The following ATP8A2 variants were observed in gnomAD, a reference collection of about 807,000 sequenced individuals.
ATP8A2 encodes the protein ATPase phospholipid transporting 8A2, also known as phospholipid-transporting ATPase IB.
Under a neutral mutation model 165.6 loss-of-function variants are expected in ATP8A2, and 100 were observed. The observed-to-expected ratio is 0.60, with a 90% CI of 0.51 to 0.71. The LOEUF (loss-of-function observed/expected upper bound fraction) is 0.71. ATP8A2 is among the 30% of genes least tolerant of loss of function. The probability of loss-of-function intolerance (pLI) is 0.00; values close to 1 mark genes in which losing one functional copy is unlikely to be tolerated. For synonymous variants in ATP8A2, 543 were observed against 548.8 expected, an observed-to-expected ratio of 0.99 and a Z score of 0.15; for missense variants, 1,227 against 1,479.5, an observed-to-expected ratio of 0.83 and a Z score of 2.80.
In ATP8A2 at chr13:25,578,867, C is replaced by T. The variant is rs2039691562; in HGVS notation, c.1835C>T (p.Thr612Ile). 19 of 1,611,328 alleles carry T rather than the reference C, an allele frequency of 1.2e-5. No homozygotes were observed. The highest frequency in any genetic ancestry group is 1.5e-5 in the Non-Finnish European group (18 of 1,177,594). Residue 612 changes from threonine to isoleucine, a missense_variant, in exon 21 of 37, where the codon ACA becomes ATA. By Grantham distance (89) the Thr-to-Ile change is moderately conservative (BLOSUM62 -1). Transcript: ENST00000381655. ...AAAGACTCAAAATATATGGAGGAAA[C>T]ATTATGCCATCTGGAATACTTTGCC... ...LSKDSKYMEE[T>I]LCHLEYFATE...
rs541516207 is a variant in ATP8A2 at position 26,017,070 on chromosome 13, C to T, written c.3470-2818C>T. ...CACCAGAATCTAAGATGAAAACAAGCGAGTGGAGAAAGACATCTTCAGGGT... is the reference window on the plus strand; with the variant it reads ...CACCAGAATCTAAGATGAAAACAAGTGAGTGGAGAAAGACATCTTCAGGGT... On this transcript the variant is annotated intron_variant, in intron 36 of 36. Coordinates refer to ENST00000381655, the MANE Select transcript of ATP8A2 (RefSeq NM_016529.6). Among the ~76,000 whole-genome samples, 4 of 152,294 alleles carry T rather than the reference C, an allele frequency of 2.6e-5. No individual in the cohort carries two copies. The East Asian group carries it at 5.8e-4, about 22-fold the overall frequency.
intron 33 of ATP8A2, among the ~76,000 whole-genome samples, chr13:25,958,182 A>G (rs954826693): frequency 9.9e-5 from 15 of 152,082 alleles, no homozygotes; most frequent in South Asian, 2.1e-4. Flanking sequence ...ACCTAATGCT[A>G]GGTATTTCTA....
At chr13:25,466,068 T>C (rs1263152694) in intron 1 of ATP8A2, among the ~76,000 whole-genome samples, 3 of 152,096 alleles carry the variant, frequency 2.0e-5, no homozygotes, top group African/African-American at 7.2e-5. Flanking sequence ...CTTCTGCTCT[T>C]CCCCCTTTGC....
intron 1 of ATP8A2, among the ~76,000 whole-genome samples, chr13:25,391,704 C>A (rs1036201596): frequency 6.6e-6 from 1 of 152,160 alleles, no homozygotes; most frequent in African/African-American, 2.4e-5. Context: ...TTAGTTTTGG[C>A]CTTTGGAAAA....
intron 11 of ATP8A2, 40 bp from the exon 12 acceptor site, chr13:25,553,753 G>T (rs1325958698): frequency 1.9e-6 from 3 of 1,590,454 alleles, no homozygotes; most frequent in Non-Finnish European, 2.6e-6. Flanking sequence ...ATAGACTTTG[G>T]TTGTGAACAC....
chr13:25,905,052 G>T (rs1953891663), intron 33 of ATP8A2, among the ~76,000 whole-genome samples: 1 of 151,746 alleles, frequency 6.6e-6, no homozygotes, highest in Non-Finnish European at 1.5e-5. Context: ...GGAGAAGAGT[G>T]TGTGCCCAGC....
intron 33 of ATP8A2, among the ~76,000 whole-genome samples, chr13:25,945,130 A>G (rs1035839944): frequency 1.3e-5 from 2 of 152,196 alleles, no homozygotes; most frequent in Non-Finnish European, 2.9e-5. Context: ...GTTTTAGGCA[A>G]AACATATACA....
chr13:25,416,933 T>C (rs1367216471), intron 1 of ATP8A2, among the ~76,000 whole-genome samples: 1 of 152,118 alleles, frequency 6.6e-6, no homozygotes, highest in Non-Finnish European at 1.5e-5. Flanking sequence ...AAGCCATATT[T>C]TGTGCTTATG....
chr13:25,970,702 G>A, intron 35 of ATP8A2, among the ~76,000 whole-genome samples: 1 of 152,192 alleles, frequency 6.6e-6, no homozygotes, highest in Non-Finnish European at 1.5e-5. Context: ...CCCATCTCAG[G>A]TGTGTAAAAG....
chr13:25,699,152 T>C, intron 24 of ATP8A2, 21 bp from the exon 25 acceptor site: 1 of 1,479,446 alleles, frequency 6.8e-7, no homozygotes, highest in Non-Finnish European at 9.0e-7. Context: ...AATGTGATTT[T>C]CCCCTATACT....
chr13:25,571,281 C>T (rs568657803), intron 17 of ATP8A2, among the ~76,000 whole-genome samples: 2 of 152,294 alleles, frequency 1.3e-5, no homozygotes, highest in African/African-American at 4.8e-5. Flanking sequence ...TAAAATACTG[C>T]CTTGCTCAGA....
intron 24 of ATP8A2, among the ~76,000 whole-genome samples, chr13:25,662,320 C>T (rs924421273): frequency 7.2e-5 from 11 of 152,042 alleles, no homozygotes; most frequent in East Asian, 1.9e-4. Context: ...ACATTCTTGG[C>T]GATGTTTTAT....
rs142817448 is a variant in ATP8A2, at chr13:25,461,852, A to AAGAAGGAGGAGG, written c.77-7123_77-7122insAAGGAGGAGGAG. Reference sequence around the variant, plus strand: ...GAGGAAGAAGAAGAAGGAGAAGAAGAAGGAGGAGGAGGAGGAGGAGGAGGA... The same window carrying AAGAAGGAGGAGG: ...GAGGAAGAAGAAGAAGGAGAAGAAGAAGAAGGAGGAGGAGGAGGAGGAGGAGGAGGAGGAGGA... On this transcript the variant is annotated intron_variant, in intron 1 of 36. Transcript: ENST00000381655. 9.1e-4 allele frequency among the ~76,000 whole-genome samples: 134 copies of AAGAAGGAGGAGG among 147,812 alleles called. 1 individual carries two copies. The highest frequency in any genetic ancestry group is 3.0e-3 in the African/African-American group (120 of 39,902).
intron 25 of ATP8A2, among the ~76,000 whole-genome samples, chr13:25,761,958 G>A (rs1297530990): frequency 1.3e-5 from 2 of 151,988 alleles, no homozygotes; most frequent in African/African-American, 4.8e-5. Context: ...TGTCAGCCAT[G>A]TGTCATTAAA....
chr13:25,450,382 T>A (rs1280894939), intron 1 of ATP8A2, among the ~76,000 whole-genome samples: 3 of 152,230 alleles, frequency 2.0e-5, no homozygotes, highest in Non-Finnish European at 4.4e-5. Context: ...TGTCTTTAGA[T>A]CTTTGAGGAA....
intron 35 of ATP8A2, among the ~76,000 whole-genome samples, chr13:25,980,341 C>T (rs1252771659): frequency 6.6e-6 from 1 of 152,126 alleles, no homozygotes; most frequent in Non-Finnish European, 1.5e-5. Context: ...TGCTCAGGGT[C>T]ATATTTTCTG....
chr13:25,618,384 G>A (rs988974458), intron 24 of ATP8A2, among the ~76,000 whole-genome samples: 6 of 152,088 alleles, frequency 3.9e-5, no homozygotes, highest in Admixed American at 1.3e-4. Flanking sequence ...TTCATGCCGG[G>A]TGTTGTCACT....
At chr13:25,796,454 CT>C (rs1398938669) in intron 27 of ATP8A2, among the ~76,000 whole-genome samples, 3 of 152,176 alleles carry the variant, frequency 2.0e-5, no homozygotes, top group African/African-American at 7.2e-5. Context: ...GCCGTGAGTA[CT>C]GGAGTTCCAA....
At chr13:25,464,446 T>TAAAAA (rs34063090) in intron 1 of ATP8A2, among the ~76,000 whole-genome samples, 3 of 127,460 alleles carry the variant, frequency 2.4e-5, no homozygotes, top group African/African-American at 3.0e-5. Flanking sequence ...CATCTCTATC[T>TAAAAA]AAAAAAAAAA....
Sources: allele counts gnomAD v4.1 joint callset (sites outside exome capture counted in the v4.1 genomes callset), GRCh38; gene constraint gnomAD v4.1.1; transcripts MANE v1.5; gene names NCBI Gene and HGNC (gene_info 2026-07-23, HGNC 2026-07-21).